Variants in NCKAP5 observed in about 807,000 individuals in gnomAD.
The protein encoded by NCKAP5 is NCK associated protein 5, also known as nck-associated protein 5.
In NCKAP5, 92 loss-of-function variants were observed where a neutral mutation model predicts 167.0. That is an observed-to-expected ratio of 0.55 (90% CI 0.47 to 0.66). NCKAP5 has a LOEUF of 0.66. Ranked by LOEUF, NCKAP5 falls within the 30% of genes least tolerant of loss-of-function variation. The probability of loss-of-function intolerance (pLI) is 0.00; values close to 1 mark genes in which losing one functional copy is unlikely to be tolerated. For missense variants in NCKAP5, 2,378 were observed against 2,315.0 expected (o/e 1.03, Z -0.56); for synonymous variants, 891 against 877.4 (o/e 1.02, Z -0.27).
chr2:132,833,937 G>A (rs910189569), intron 11 of NCKAP5, among the ~76,000 whole-genome samples: 3 of 152,126 alleles, frequency 2.0e-5, no homozygotes, highest in Admixed American at 6.5e-5. Flanking sequence ...TGAATCTCTA[G>A]ATTAGGGTAG....
the NCKAP5 span, among the ~76,000 whole-genome samples, chr2:133,630,171 A>T: frequency 1.3e-5 from 2 of 152,138 alleles, no homozygotes; most frequent in African/African-American, 4.8e-5. Flanking sequence ...TCAAAAAGAA[A>T]ATATTTTGCT....
intron 4 of NCKAP5, among the ~76,000 whole-genome samples, chr2:133,214,398 A>G (rs998850769): frequency 7.2e-5 from 11 of 152,180 alleles, no homozygotes; most frequent in Non-Finnish European, 1.6e-4. Flanking sequence ...TTTGGAATCA[A>G]ATTTTAGATT....
At position 133,517,552 on chromosome 2, in the gene NCKAP5, T is replaced by C. The variant is rs370835078; in HGVS notation, c.-26A>G. 7 of 1,465,478 alleles carry C rather than the reference T, an allele frequency of 4.8e-6. No individual in the cohort carries two copies. The African/African-American group carries it at 1.0e-4, about 21-fold the overall frequency. 90.8% of individuals were successfully genotyped at this position (1,465,478 alleles called of 1,614,324 possible). On this transcript the variant is annotated 5_prime_UTR_variant, in exon 3 of 20. Transcript: ENST00000409261. The stretch of plus-strand genomic sequence containing the variant: ...GGATGAAGTTATTTATTTTCTTTTG[T>C]GACTTATAAGAATCCCCCGTCTGTT...
At chr2:132,747,857 A>T (rs968695505) in intron 16 of NCKAP5, among the ~76,000 whole-genome samples, 2 of 152,230 alleles carry the variant, frequency 1.3e-5, no homozygotes, top group Non-Finnish European at 2.9e-5. Context: ...GCCTATAGCT[A>T]TAAGTAGGAA....
At chr2:133,065,892 G>A (rs761777245) in intron 6 of NCKAP5, among the ~76,000 whole-genome samples, 1 of 152,270 alleles carries the variant, frequency 6.6e-6, no homozygotes, top group South Asian at 2.1e-4. Context: ...GAAAACTGTT[G>A]ACACCAGTGC....
chr2:133,538,523 T>C (rs1344798284), intron 2 of NCKAP5, among the ~76,000 whole-genome samples: 1 of 151,910 alleles, frequency 6.6e-6, no homozygotes, highest in Non-Finnish European at 1.5e-5. Flanking sequence ...CCCTGGCATA[T>C]ATGAACAAAT....
chr2:133,555,533 C>T (rs1215792175), intron 2 of NCKAP5, among the ~76,000 whole-genome samples: 1 of 152,232 alleles, frequency 6.6e-6, no homozygotes, highest in African/African-American at 2.4e-5. Context: ...GAATCTTTTT[C>T]ATAAGTTCTC....
chr2:133,134,658 C>A lies in NCKAP5; in HGVS notation c.208-4547G>T, dbSNP rs569277871. On this transcript the variant is annotated intron_variant, in intron 5 of 19. Transcript: ENST00000409261. Reference sequence around the variant, plus strand: ...AAAGACAGGTATTTCCTCCATGGTTCTACAGAATGATCTTGTCTATACCTC... The same window carrying A: ...AAAGACAGGTATTTCCTCCATGGTTATACAGAATGATCTTGTCTATACCTC... Among the ~76,000 whole-genome samples, 4 of 152,310 alleles carry A rather than the reference C, an allele frequency of 2.6e-5. No homozygotes were observed. In the East Asian group the frequency reaches 7.7e-4, roughly 29 times the overall value.
chr2:133,229,937 G>A (rs1487663715), intron 4 of NCKAP5, among the ~76,000 whole-genome samples: 3 of 151,174 alleles, frequency 2.0e-5, no homozygotes, highest in East Asian at 1.9e-4. Context: ...GCTAGGGAAA[G>A]TTACTCACAC....
At chr2:132,909,027 A>G (rs1694224877) in intron 8 of NCKAP5, among the ~76,000 whole-genome samples, 1 of 152,170 alleles carries the variant, frequency 6.6e-6, no homozygotes, top group African/African-American at 2.4e-5. Context: ...ATCTCACGGT[A>G]AGCAGTTTTT....
At chr2:133,212,769 T>C (rs2086265236) in intron 5 of NCKAP5, among the ~76,000 whole-genome samples, 1 of 152,184 alleles carries the variant, frequency 6.6e-6, no homozygotes, top group Non-Finnish European at 1.5e-5. Flanking sequence ...TTTTAGCATG[T>C]TCAAGGGCCA....
chr2:132,677,218 T>C (rs142798256), intron 19 of NCKAP5, among the ~76,000 whole-genome samples: 2 of 152,272 alleles, frequency 1.3e-5, no homozygotes, highest in African/African-American at 4.8e-5. Flanking sequence ...GGTGGATTTT[T>C]TTTTCAACTA....
intron 3 of NCKAP5, among the ~76,000 whole-genome samples, chr2:133,505,676 TGG>T (rs1682942293): frequency 6.6e-6 from 1 of 152,186 alleles, no homozygotes; most frequent in African/African-American, 2.4e-5. Context: ...GGAGGCAGGT[TGG>T]GATTCAAATC....
chr2:133,543,068 G>C (rs1686359070), intron 2 of NCKAP5, among the ~76,000 whole-genome samples: 1 of 152,138 alleles, frequency 6.6e-6, no homozygotes, highest in Non-Finnish European at 1.5e-5. Flanking sequence ...CAATGTTGGA[G>C]GGGGGACCTA....
chr2:133,445,918 A>C (rs966175682), intron 3 of NCKAP5, among the ~76,000 whole-genome samples: 1 of 152,234 alleles, frequency 6.6e-6, no homozygotes, highest in African/African-American at 2.4e-5. Flanking sequence ...TGCTGGACCA[A>C]GGGATTTAGA....
At chr2:133,247,582 A>T (rs72985663) in intron 4 of NCKAP5, among the ~76,000 whole-genome samples, 4,011 of 152,258 alleles carry the variant, frequency 0.026, 161 homozygotes, top group African/African-American at 0.087. Flanking sequence ...CAGCCACACA[A>T]AGTATTTATT....
In NCKAP5 at chr2:133,456,216, C is replaced by T. The variant is rs534143544; in HGVS notation, c.69+61242G>A. Among the ~76,000 whole-genome samples the T allele has an allele frequency of 1.2e-3, 188 of 152,266 alleles. No individual in the cohort carries two copies. The Middle Eastern group carries it at 0.017, about 14-fold the overall frequency. On this transcript the variant is annotated intron_variant, in intron 3 of 19. Coordinates refer to ENST00000409261, the MANE Select transcript of NCKAP5 (RefSeq NM_207363.3). The stretch of plus-strand genomic sequence containing the variant: ...CACTAACAAAACCCCCATATTGCAG[C>T]GGTAGCAATCTACCCAACTGCAAGA...
chr2:133,024,243 G>A (rs1334616172), intron 6 of NCKAP5, among the ~76,000 whole-genome samples: 1 of 152,234 alleles, frequency 6.6e-6, no homozygotes, highest in African/African-American at 2.4e-5. Flanking sequence ...ATCACCTACT[G>A]TATATATTTG....
At chr2:132,699,443 T>A (rs1687665715) in intron 19 of NCKAP5, among the ~76,000 whole-genome samples, 1 of 152,134 alleles carries the variant, frequency 6.6e-6, no homozygotes, top group Non-Finnish European at 1.5e-5. Flanking sequence ...ACTCGTCCTT[T>A]ACATTAGGTA....
Sources: gnomAD v4.1 joint callset for allele counts (sites outside exome capture counted in the v4.1 genomes callset) on GRCh38, gnomAD v4.1.1 for gene constraint, MANE v1.5 for transcripts, NCBI Gene and HGNC (gene_info 2026-07-23, HGNC 2026-07-21) for gene names.